The following HTR4 variants were observed in gnomAD, a reference collection of about 807,000 sequenced individuals.
HTR4 encodes 5-hydroxytryptamine (serotonin) receptor 4, G protein-coupled.
HTR4 carries 16 observed loss-of-function variants against 36.8 expected under a neutral mutation model. That is an observed-to-expected ratio of 0.43 (90% CI 0.29 to 0.66). The LOEUF (loss-of-function observed/expected upper bound fraction) is 0.66, where lower values mean the gene tolerates loss of function less well. Among genes scored for constraint, HTR4 ranks in the 30% least tolerant of loss-of-function variants. The pLI, the probability that HTR4 is intolerant of heterozygous loss-of-function variation, is 0.13. For missense variants in HTR4, 438 were observed against 490.9 expected (o/e 0.89, Z 1.02); for synonymous variants, 189 against 185.1 (o/e 1.02, Z -0.17).
chr5:148,644,272 A>T (rs1180884925), intron 1 of HTR4, among the ~76,000 whole-genome samples: 2 of 152,082 alleles, frequency 1.3e-5, no homozygotes, highest in Non-Finnish European at 2.9e-5. Flanking sequence ...GTCGTATGTT[A>T]AAAAATGTGC....
intron 6 of HTR4, among the ~76,000 whole-genome samples, chr5:148,505,795 A>G (rs1757168808): frequency 6.6e-6 from 1 of 152,178 alleles, no homozygotes; most frequent in Non-Finnish European, 1.5e-5. Context: ...AGAATAAAAT[A>G]CCTAGGAATC....
intron 6 of HTR4, among the ~76,000 whole-genome samples, chr5:148,483,900 AG>A (rs1444491176): frequency 6.6e-6 from 1 of 151,768 alleles, no homozygotes; most frequent in Admixed American, 6.6e-5. Flanking sequence ...TCAATTCCTG[AG>A]GTTCTTTATT....
chr5:148,476,145 C>A (rs1386098897), downstream of HTR4, among the ~76,000 whole-genome samples: 1 of 152,234 alleles, frequency 6.6e-6, no homozygotes, highest in Non-Finnish European at 1.5e-5. Context: ...TTGTTACACT[C>A]TAGCCTGAAT....
intron 5 of HTR4, among the ~76,000 whole-genome samples, chr5:148,520,185 C>A (rs547035623): frequency 7.4e-4 from 113 of 152,254 alleles, no homozygotes; most frequent in African/African-American, 2.7e-3. Context: ...ACAACATGAC[C>A]ATGTGGATTG....
At chr5:148,576,798 G>T (rs548825582) in intron 2 of HTR4, among the ~76,000 whole-genome samples, 1 of 151,968 alleles carries the variant, frequency 6.6e-6, no homozygotes, top group African/African-American at 2.4e-5. Context: ...CTGCTTTCTT[G>T]TACCACATAC....
At chr5:148,599,848 T>C (rs1014821877) in intron 2 of HTR4, among the ~76,000 whole-genome samples, 8 of 151,980 alleles carry the variant, frequency 5.3e-5, no homozygotes, top group African/African-American at 1.7e-4. Context: ...CTTAGCATTG[T>C]CTGAGAAATG....
At chr5:148,631,235 A>G (rs1753310139) in intron 2 of HTR4, among the ~76,000 whole-genome samples, 1 of 152,178 alleles carries the variant, frequency 6.6e-6, no homozygotes, top group Non-Finnish European at 1.5e-5. Context: ...CTGAATAGTC[A>G]CCATTTTGTC....
At chr5:148,553,405 C>A (rs1465764689) in intron 2 of HTR4, among the ~76,000 whole-genome samples, 2 of 152,082 alleles carry the variant, frequency 1.3e-5, no homozygotes, top group Admixed American at 6.6e-5. Context: ...ACCTGAGGAG[C>A]CTTAAAAAAT....
At chr5:148,610,129 G>A (rs2071621225) in intron 2 of HTR4, among the ~76,000 whole-genome samples, 1 of 152,190 alleles carries the variant, frequency 6.6e-6, no homozygotes, top group African/African-American at 2.4e-5. Flanking sequence ...CTGAGAAAAA[G>A]AGTGAGTGGA....
intron 4 of HTR4, among the ~76,000 whole-genome samples, chr5:148,537,302 A>G (rs1423915480): frequency 2.6e-5 from 4 of 152,138 alleles, no homozygotes; most frequent in African/African-American, 9.7e-5. Context: ...TCTCAAATGA[A>G]CAACCTGACA....
chr5:148,554,294 C>T (rs985224104), intron 2 of HTR4, among the ~76,000 whole-genome samples: 2 of 152,084 alleles, frequency 1.3e-5, no homozygotes, highest in South Asian at 2.1e-4. Flanking sequence ...AGGCTGGTCT[C>T]GAACTTCTGA....
intron 2 of HTR4, among the ~76,000 whole-genome samples, chr5:148,564,625 C>T (rs1478777272): frequency 6.6e-6 from 1 of 152,172 alleles, no homozygotes; most frequent in African/African-American, 2.4e-5. Context: ...CTCCCCCAGA[C>T]AAGTGCATTT....
At position 148,509,715 on chromosome 5, in the gene HTR4, C is replaced by T. The variant is rs1425634168; in HGVS notation, c.817G>A (p.Ala273Thr). 6.2e-7 allele frequency: 1 copy of T among 1,614,036 alleles called. No individual in the cohort carries two copies. The highest frequency in any genetic ancestry group is 1.7e-5 in the Admixed American group (1 of 60,004). Reference sequence around the variant, plus strand: ...ACAATATTGGTGACAAAGAATGGTGCCCAGCAGAGGCAGAAGCAACCCATG... The same window carrying T: ...ACAATATTGGTGACAAAGAATGGTGTCCAGCAGAGGCAGAAGCAACCCATG... Reference protein sequence around the residue: ...IIMGCFCLCWAPFFVTNIVDP... With the variant: ...IIMGCFCLCWTPFFVTNIVDP... Residue 273 changes from alanine (A) to threonine (T), a missense_variant, in exon 6 of 7, where the codon GCA (alanine) becomes ACA (threonine). Ala to Thr is a moderately conservative substitution (Grantham distance 58). Transcript: ENST00000377888.
intron 2 of HTR4, among the ~76,000 whole-genome samples, chr5:148,609,845 C>T (rs908797760): frequency 3.7e-4 from 57 of 152,126 alleles, no homozygotes; most frequent in Admixed American, 3.1e-3. Context: ...GGATTACAGG[C>T]GTGAGCCACC....
At chr5:148,505,149 C>A (rs1189871575) in intron 6 of HTR4, among the ~76,000 whole-genome samples, 1 of 152,180 alleles carries the variant, frequency 6.6e-6, no homozygotes, top group Non-Finnish European at 1.5e-5. Flanking sequence ...CCAAATCCAG[C>A]AGCACATCAA....
chr5:148,500,358 A>G (rs1036877042), intron 6 of HTR4, among the ~76,000 whole-genome samples: 2 of 152,090 alleles, frequency 1.3e-5, no homozygotes, highest in African/African-American at 4.8e-5. Context: ...GAAGAACTCC[A>G]ACAGTTTGAG....
chr5:148,452,464 A>G (rs187921283), intron 5 of HTR4, among the ~76,000 whole-genome samples: 1 of 152,296 alleles, frequency 6.6e-6, no homozygotes, highest in Non-Finnish European at 1.5e-5. Flanking sequence ...TTTGGTTGTC[A>G]CTGAAGAGGT....
intron 2 of HTR4, among the ~76,000 whole-genome samples, chr5:148,582,614 T>C (rs1009036640): frequency 3.1e-4 from 47 of 152,098 alleles, no homozygotes; most frequent in Admixed American, 6.6e-5. Flanking sequence ...GCAGCCCTTT[T>C]AAAATGAGCC....
intron 4 of HTR4, among the ~76,000 whole-genome samples, chr5:148,543,826 C>G (rs1175525299): frequency 6.6e-6 from 1 of 152,040 alleles, no homozygotes; most frequent in African/African-American, 2.4e-5. Flanking sequence ...GAGTGATGCA[C>G]CCCGTAAGAG....
Sources: allele counts gnomAD v4.1 joint callset (sites outside exome capture counted in the v4.1 genomes callset), GRCh38; gene constraint gnomAD v4.1.1; transcripts MANE v1.5; gene names NCBI Gene and HGNC (gene_info 2026-07-23, HGNC 2026-07-21).